The following CYRIB variants were observed in gnomAD, a reference collection of about 807,000 sequenced individuals.
CYRIB encodes CYFIP-related Rac1 interactor B.
A neutral mutation model predicts 44.2 loss-of-function variants in CYRIB; 8 were observed. The ratio of observed to expected loss-of-function variants is 0.18; its 90% confidence interval spans 0.11 to 0.33. The LOEUF (loss-of-function observed/expected upper bound fraction) is 0.33, where lower values mean the gene tolerates loss of function less well. Ranked by LOEUF, CYRIB falls within the 10% of genes least tolerant of loss-of-function variation. The pLI, the probability that CYRIB is intolerant of heterozygous loss-of-function variation, is 1.00. For missense variants in CYRIB, 185 were observed against 382.8 expected (o/e 0.48, Z 4.31); for synonymous variants, 131 against 127.2 (o/e 1.03, Z -0.20).
intron 4 of CYRIB, among the ~76,000 whole-genome samples, chr8:129,870,293 C>A (rs2056597299): frequency 2.6e-5 from 4 of 152,146 alleles, no homozygotes; most frequent in Admixed American, 6.5e-5. Flanking sequence ...GTGGTGAGTG[C>A]CAGCTACTTG....
intron 1 of CYRIB, among the ~76,000 whole-genome samples, chr8:129,987,848 A>T (rs2096520262): frequency 1.3e-5 from 2 of 152,180 alleles, no homozygotes; most frequent in Non-Finnish European, 2.9e-5. Context: ...CTGGGATTAC[A>T]GTCGTGAGCC....
intron 1 of CYRIB, among the ~76,000 whole-genome samples, chr8:130,002,954 G>A (rs940070723): frequency 1.3e-5 from 2 of 152,224 alleles, no homozygotes; most frequent in African/African-American, 2.4e-5. Flanking sequence ...AAATGAGCCA[G>A]GTATGGTGGC....
rs2048198139 is a variant in CYRIB, at chr8:129,859,551, C to G, written c.301+2678G>C. On this transcript the variant is annotated intron_variant, in intron 5 of 11. Transcript: ENST00000519824. ...ACTGAGGCTACCGCTAGACCACAGTCCGCTTGGCAACGGCCATCTTCCCAG... is the reference window on the plus strand; with the variant it reads ...ACTGAGGCTACCGCTAGACCACAGTGCGCTTGGCAACGGCCATCTTCCCAG... 3.3e-5 allele frequency among the ~76,000 whole-genome samples: 5 copies of G among 152,180 alleles called. No homozygotes were observed. The South Asian group carries it at 8.3e-4, about 25-fold the overall frequency.
chr8:129,852,086 C>G (rs1409202519), intron 8 of CYRIB, 76 bp downstream of exon 10: 1 of 862,162 alleles, frequency 1.2e-6, no homozygotes, highest in Non-Finnish European at 1.7e-6. Context: ...TATTTAATGT[C>G]TTGGGCTTGC....
chr8:129,886,463 A>C (rs566347546), intron 2 of CYRIB, among the ~76,000 whole-genome samples: 1 of 152,174 alleles, frequency 6.6e-6, no homozygotes, highest in Non-Finnish European at 1.5e-5. Flanking sequence ...CTTAAAACAT[A>C]AACAGAAATG....
At chr8:129,869,398 A>T (rs1446522109) in intron 4 of CYRIB, among the ~76,000 whole-genome samples, 1 of 149,636 alleles carries the variant, frequency 6.7e-6, no homozygotes, top group Non-Finnish European at 1.5e-5. Flanking sequence ...AAAAAAAAAA[A>T]AAAAAATCAA....
chr8:130,001,232 A>G (rs967565641), intron 1 of CYRIB, among the ~76,000 whole-genome samples: 46 of 152,180 alleles, frequency 3.0e-4, no homozygotes, highest in African/African-American at 1.1e-3. Flanking sequence ...GCCTCCCACC[A>G]CAGAGCACAG....
At chr8:129,846,459 T>C (rs1380287076) in intron 11 of CYRIB, among the ~76,000 whole-genome samples, 1 of 152,200 alleles carries the variant, frequency 6.6e-6, no homozygotes, top group Non-Finnish European at 1.5e-5. Context: ...TTTCTTTTTA[T>C]TTACATTTTC....
intron 1 of CYRIB, among the ~76,000 whole-genome samples, chr8:129,909,787 AC>A (rs2077065880): frequency 6.6e-6 from 1 of 152,144 alleles, no homozygotes; most frequent in South Asian, 2.1e-4. Flanking sequence ...GGGTTTAAGA[AC>A]CCCAGCAAGC....
chr8:129,981,940 A>G (rs1222918518), intron 1 of CYRIB, among the ~76,000 whole-genome samples: 5 of 152,198 alleles, frequency 3.3e-5, no homozygotes, highest in African/African-American at 4.8e-5. Flanking sequence ...TCATCTATTC[A>G]TCTAGCTTCC....
chr8:129,914,360 A>C (rs78979951), intron 1 of CYRIB, among the ~76,000 whole-genome samples: 7 of 152,330 alleles, frequency 4.6e-5, no homozygotes, highest in African/African-American at 1.7e-4. Flanking sequence ...ACTGATCAAC[A>C]TAAGAGAGTG....
chr8:129,915,343 T>C (rs1193525075), intron 1 of CYRIB, among the ~76,000 whole-genome samples: 1 of 152,142 alleles, frequency 6.6e-6, no homozygotes, highest in East Asian at 1.9e-4. Flanking sequence ...ACAATAAATA[T>C]AAATCTCAAA....
chr8:129,890,778 A>C (rs1413250380), intron 2 of CYRIB: 1 of 152,238 alleles, frequency 6.6e-6, no homozygotes, highest in African/African-American at 2.4e-5. Flanking sequence ...CTGTAGTCCC[A>C]ACTACTCAGG....
At chr8:129,941,518 C>T (rs762479629), upstream of CYRIB, among the ~76,000 whole-genome samples, 2 of 152,136 alleles carry the variant, frequency 1.3e-5, no homozygotes, top group Non-Finnish European at 2.9e-5. Context: ...AGGCAATCCA[C>T]CTGCCTGAGC....
upstream of CYRIB, chr8:130,016,650 C>G (rs1327141798): frequency 1.3e-5 from 2 of 149,274 alleles, no homozygotes; most frequent in African/African-American, 4.9e-5. Context: ...AAGGAGGACG[C>G]TCGCCTCGCG....
intron 1 of CYRIB, among the ~76,000 whole-genome samples, chr8:129,974,935 A>ACT (rs1166005654): frequency 8.0e-5 from 12 of 150,286 alleles, no homozygotes; most frequent in Non-Finnish European, 1.8e-4. Context: ...CCCAGGCTGC[A>ACT]GTGGTGCGAT....
intron 1 of CYRIB, among the ~76,000 whole-genome samples, chr8:129,907,939 T>A (rs1406642035): frequency 6.6e-6 from 1 of 152,150 alleles, no homozygotes; most frequent in Non-Finnish European, 1.5e-5. Context: ...GAGGCAGAGA[T>A]TGCACTGAGC....
chr8:129,885,696 C>T (rs1224100107), intron 2 of CYRIB, among the ~76,000 whole-genome samples: 1 of 152,094 alleles, frequency 6.6e-6, no homozygotes, highest in Non-Finnish European at 1.5e-5. Context: ...GCAAAACTGC[C>T]TGTTGTTGAA....
intron 2 of CYRIB, among the ~76,000 whole-genome samples, chr8:129,965,999 G>T (rs1249705438): frequency 1.3e-5 from 2 of 151,966 alleles, no homozygotes. Context: ...TTACATACAG[G>T]TGTGGGCCAC....
Sources: allele counts gnomAD v4.1 joint callset (sites outside exome capture counted in the v4.1 genomes callset), GRCh38; gene constraint gnomAD v4.1.1; transcripts MANE v1.5; gene names NCBI Gene and HGNC (gene_info 2026-07-23, HGNC 2026-07-21).